The following JAZF1 variants were observed in gnomAD, a reference collection of about 807,000 sequenced individuals.
JAZF1 encodes juxtaposed with another zinc finger protein 1.
JAZF1 carries 8 observed loss-of-function variants against 26.4 expected under a neutral mutation model. That is an observed-to-expected ratio of 0.30 (90% confidence interval 0.18 to 0.55). JAZF1 has a LOEUF of 0.55. Ranked by LOEUF, JAZF1 falls within the 20% of genes least tolerant of loss-of-function variation. The pLI, the probability that JAZF1 is intolerant of heterozygous loss-of-function variation, is 0.94. For missense variants in JAZF1, 199 were observed against 322.0 expected (o/e 0.62, Z 2.92); for synonymous variants, 126 against 122.3 (o/e 1.03, Z -0.20).
intron 3 of JAZF1, among the ~76,000 whole-genome samples, chr7:27,860,855 C>G: frequency 6.7e-6 from 1 of 148,366 alleles, no homozygotes; most frequent in Middle Eastern, 3.3e-3. Flanking sequence ...TCCCCACTTT[C>G]CTCTTTGCCT....
At chr7:28,179,846 A>T (rs1783609438) in intron 1 of JAZF1, among the ~76,000 whole-genome samples, 2 of 141,326 alleles carry the variant, frequency 1.4e-5, no homozygotes, top group African/African-American at 5.1e-5. Context: ...ACCGGCGCTG[A>T]CAGGACGCAG....
At chr7:27,938,673 G>A (rs952163032) in intron 2 of JAZF1, among the ~76,000 whole-genome samples, 2 of 152,168 alleles carry the variant, frequency 1.3e-5, no homozygotes, top group Non-Finnish European at 2.9e-5. Flanking sequence ...TTGGTTGGTT[G>A]CTTTTAATGA....
chr7:28,059,588 TTCTTTTAAC>T, intron 1 of JAZF1, among the ~76,000 whole-genome samples: 1 of 152,326 alleles, frequency 6.6e-6, no homozygotes, highest in Non-Finnish European at 1.5e-5. Flanking sequence ...TTTTTGTCCC[TTCTTTTAAC>T]TCTTATCTTT....
intron 1 of JAZF1, among the ~76,000 whole-genome samples, chr7:28,018,294 G>T (rs1782934327): frequency 6.6e-6 from 1 of 152,210 alleles, no homozygotes; most frequent in African/African-American, 2.4e-5. Flanking sequence ...CAGTTAGTGT[G>T]GGGATGAGGC....
chr7:28,135,011 T>C (rs1159424021), intron 1 of JAZF1, among the ~76,000 whole-genome samples: 1 of 152,184 alleles, frequency 6.6e-6, no homozygotes, highest in African/African-American at 2.4e-5. Flanking sequence ...TTAAAATGAC[T>C]CAAACTATGA....
Position 28,128,241 on chromosome 7 carries a change from C to T in JAZF1, c.115+52222G>A, listed in dbSNP as rs114219740. On this transcript the variant is annotated intron_variant, in intron 1 of 4. Coordinates refer to ENST00000283928, the MANE Select transcript of JAZF1 (RefSeq NM_175061.4). ...TGAGAACTTACTAGAAATGCATATT[C>T]GACTGGGCGCAGTGCTTCATGCCTG... Among the ~76,000 whole-genome samples, 740 of 152,164 alleles carry T rather than the reference C, an allele frequency of 4.9e-3. 8 individuals are homozygous for T. The highest frequency in any genetic ancestry group is 0.017 in the African/African-American group (716 of 41,540).
intron 2 of JAZF1, among the ~76,000 whole-genome samples, chr7:27,945,716 C>CT (rs1413610632): frequency 6.6e-6 from 1 of 152,204 alleles, no homozygotes; most frequent in East Asian, 1.9e-4. Context: ...TTTGTATGCA[C>CT]TTTAAGTTTA....
chr7:28,030,487 T>C (rs999487027), intron 1 of JAZF1, among the ~76,000 whole-genome samples: 4 of 152,198 alleles, frequency 2.6e-5, no homozygotes, highest in African/African-American at 9.6e-5. Flanking sequence ...TAAACCTCCA[T>C]GGTAAATGTG....
At chr7:27,848,534 G>A (rs1783074025) in intron 3 of JAZF1, among the ~76,000 whole-genome samples, 1 of 152,218 alleles carries the variant, frequency 6.6e-6, no homozygotes, top group South Asian at 2.1e-4. Context: ...AAGGACACAA[G>A]GTTTAAGGAC....
At chr7:28,130,778 G>C (rs1003643124) in intron 1 of JAZF1, among the ~76,000 whole-genome samples, 1 of 152,118 alleles carries the variant, frequency 6.6e-6, no homozygotes, top group Admixed American at 6.5e-5. Flanking sequence ...AAGGGTGCTC[G>C]CTCACTATTC....
At chr7:28,013,877 GA>G (rs1320711740) in intron 1 of JAZF1, among the ~76,000 whole-genome samples, 1 of 152,116 alleles carries the variant, frequency 6.6e-6, no homozygotes, top group Non-Finnish European at 1.5e-5. Flanking sequence ...CTACTATTCA[GA>G]ATTAGGGTGT....
chr7:27,899,116 G>GT (rs1309821722), intron 2 of JAZF1, among the ~76,000 whole-genome samples: 32 of 152,150 alleles, frequency 2.1e-4, no homozygotes, highest in African/African-American at 7.7e-4. Context: ...ACTTAATTTA[G>GT]TAAGTAAATT....
chr7:27,976,589 G>A (rs568294701), intron 2 of JAZF1, among the ~76,000 whole-genome samples: 2 of 152,116 alleles, frequency 1.3e-5, no homozygotes, highest in African/African-American at 2.4e-5. Context: ...TGGAGCTGGG[G>A]CACACAGCAG....
At chr7:27,923,598 G>A (rs955859568) in intron 2 of JAZF1, among the ~76,000 whole-genome samples, 1 of 152,234 alleles carries the variant, frequency 6.6e-6, no homozygotes, top group Non-Finnish European at 1.5e-5. Context: ...ATGGGAGCAT[G>A]GCTGGGCTGG....
At chr7:28,078,911 T>A (rs1382824425) in intron 1 of JAZF1, among the ~76,000 whole-genome samples, 1 of 152,202 alleles carries the variant, frequency 6.6e-6, no homozygotes, top group African/African-American at 2.4e-5. Context: ...AATAACTGAC[T>A]TTTAGAATTG....
chr7:28,167,272 CAAGG>C (rs1433839123), intron 1 of JAZF1, among the ~76,000 whole-genome samples: 1 of 152,194 alleles, frequency 6.6e-6, no homozygotes, highest in Non-Finnish European at 1.5e-5. Context: ...CTGCAAAAGA[CAAGG>C]AAGGGAAATG....
intron 2 of JAZF1, among the ~76,000 whole-genome samples, chr7:27,925,884 C>T (rs1784595538): frequency 6.6e-6 from 1 of 152,248 alleles, no homozygotes; most frequent in African/African-American, 2.4e-5. Flanking sequence ...TGGGAAGCCA[C>T]TTGAATGATA....
At chr7:27,856,339 T>G (rs1439556142) in intron 3 of JAZF1, among the ~76,000 whole-genome samples, 1 of 152,218 alleles carries the variant, frequency 6.6e-6, no homozygotes, top group Non-Finnish European at 1.5e-5. Flanking sequence ...AGCTGCAGGC[T>G]TTCACAGTGA....
chr7:28,012,191 A>G (rs1782810550), intron 1 of JAZF1, among the ~76,000 whole-genome samples: 1 of 152,226 alleles, frequency 6.6e-6, no homozygotes, highest in Non-Finnish European at 1.5e-5. Flanking sequence ...AATCACAACC[A>G]GAAATGCACT....
Sources: gnomAD v4.1 joint callset for allele counts (sites outside exome capture counted in the v4.1 genomes callset) on GRCh38, gnomAD v4.1.1 for gene constraint, MANE v1.5 for transcripts, NCBI Gene and HGNC (gene_info 2026-07-23, HGNC 2026-07-21) for gene names.